Variants in PCDHA1 observed in about 807,000 individuals in gnomAD.
The protein encoded by PCDHA1 is protocadherin alpha 1.
Under a neutral mutation model 61.3 loss-of-function variants are expected in PCDHA1, and 42 were observed. The observed-to-expected ratio is 0.69, with a 90% CI of 0.54 to 0.89. The LOEUF (loss-of-function observed/expected upper bound fraction) is 0.89. PCDHA1 is among the 40% of genes least tolerant of loss of function. PCDHA1 has a pLI of 0.00. For synonymous variants in PCDHA1, 610 were observed against 553.8 expected (o/e 1.10, Z -1.43); for missense variants, 1,256 against 1,235.3 (o/e 1.02, Z -0.25).
intron 1 of PCDHA1, chr5:140,827,874 A>C: frequency 1.6e-6 from 1 of 638,432 alleles, no homozygotes; most frequent in South Asian, 2.0e-5. Flanking sequence ...TAGCACTGTT[A>C]CGTGAATTGA....
intron 1 of PCDHA1, among the ~76,000 whole-genome samples, chr5:140,826,508 T>C (rs150327644): frequency 1.1e-4 from 17 of 152,306 alleles, no homozygotes; most frequent in African/African-American, 4.1e-4. Context: ...AAGGTGAAGA[T>C]GATCATGTCA....
At chr5:140,883,080 A>T in intron 1 of PCDHA1, 1 of 1,614,140 alleles carries the variant, frequency 6.2e-7, no homozygotes, top group Non-Finnish European at 8.5e-7. Flanking sequence ...GATCCTGATG[A>T]TGGTACAAAT....
chr5:140,907,235 T>C, intron 1 of PCDHA1, among the ~76,000 whole-genome samples: 1 of 152,234 alleles, frequency 6.6e-6, no homozygotes, highest in East Asian at 1.9e-4. Context: ...TGTCACCTAG[T>C]TGACATTGTA....
At chr5:140,797,014 G>T (rs1307311865) in intron 1 of PCDHA1, 3 of 1,613,654 alleles carry the variant, frequency 1.9e-6, no homozygotes, top group Non-Finnish European at 2.5e-6. Context: ...GCGGGCGTGG[G>T]TGGGCGCCGC....
intron 1 of PCDHA1, among the ~76,000 whole-genome samples, chr5:140,935,193 G>A (rs782043966): frequency 3.3e-5 from 5 of 152,122 alleles, no homozygotes; most frequent in Non-Finnish European, 4.4e-5. Flanking sequence ...GTCAGTTGCT[G>A]TTTCTAGGTA....
intron 3 of PCDHA1, among the ~76,000 whole-genome samples, chr5:141,005,360 A>G (rs1215157808): frequency 6.6e-6 from 1 of 152,184 alleles, no homozygotes; most frequent in Non-Finnish European, 1.5e-5. Flanking sequence ...TAGGAATGTC[A>G]TAGAATGCCT....
At chr5:140,866,293 T>TAG (rs2049266972) in intron 1 of PCDHA1, 1 of 152,272 alleles carries the variant, frequency 6.6e-6, no homozygotes, top group East Asian at 1.9e-4. Context: ...GGGACAAGTA[T>TAG]AGATGTTGAT....
chr5:140,830,816 C>T (rs2150189865), intron 1 of PCDHA1: 1 of 156,806 alleles, frequency 6.4e-6, no homozygotes, highest in South Asian at 2.0e-4. Context: ...ATTTGTTTGC[C>T]TTTGAGCTTT....
At chr5:140,837,860 G>A (rs2150280331) in intron 1 of PCDHA1, among the ~76,000 whole-genome samples, 4 of 151,378 alleles carry the variant, frequency 2.6e-5, no homozygotes, top group Admixed American at 6.6e-5. Context: ...TTTTATTTTT[G>A]TAGAGACAGG....
intron 1 of PCDHA1, among the ~76,000 whole-genome samples, chr5:140,880,655 G>A (rs782616371): frequency 6.6e-6 from 1 of 152,186 alleles, no homozygotes; most frequent in African/African-American, 2.4e-5. Context: ...CCCAACTGAG[G>A]TAAAGGTGAG....
rs114370861 is a variant in PCDHA1 at position 140,845,840 on chromosome 5, G to A, written c.2394+57156G>A. 5.2e-3 allele frequency among the ~76,000 whole-genome samples: 775 copies of A among 149,794 alleles called. 45 individuals are homozygous for A. Among genetic ancestry groups the A allele is most frequent in the African/African-American group, 0.018 (745 of 40,934 alleles). On this transcript the variant is annotated intron_variant, in intron 1 of 3. Transcript: ENST00000504120. The stretch of plus-strand genomic sequence containing the variant: ...AAAATTTAGTTATTACCATTCTTAA[G>A]AGAAAAGAAGTTAGTGATTGCAGAA...
intron 1 of PCDHA1, chr5:140,802,396 C>T (rs1321170045): frequency 2.5e-6 from 4 of 1,614,262 alleles, no homozygotes; most frequent in Non-Finnish European, 3.4e-6. Context: ...CTGGTGTCCA[C>T]CTTCAAGAAT....
chr5:140,848,134 AC>A (rs1781341160), intron 1 of PCDHA1: 1 of 192,738 alleles, frequency 5.2e-6, no homozygotes, highest in South Asian at 1.3e-4. Context: ...GTCATACAAA[AC>A]TTTTAGAGGC....
At chr5:140,964,378 T>A (rs182628269) in intron 1 of PCDHA1, among the ~76,000 whole-genome samples, 1 of 151,270 alleles carries the variant, frequency 6.6e-6, no homozygotes, top group Non-Finnish European at 1.5e-5. Context: ...GAAAGGAGAG[T>A]CCTGGTTTTT....
At chr5:140,993,226 T>G (rs1554253487) in intron 3 of PCDHA1, among the ~76,000 whole-genome samples, 1 of 152,204 alleles carries the variant, frequency 6.6e-6, no homozygotes, top group Non-Finnish European at 1.5e-5. Context: ...TTTGGTATGT[T>G]CTCTCTGAAT....
intron 1 of PCDHA1, chr5:140,871,259 C>A (rs1554165338): frequency 3.1e-6 from 5 of 1,613,958 alleles, no homozygotes; most frequent in Non-Finnish European, 4.2e-6. Context: ...CTGTATACGG[C>A]GCTGTGGTGG....
chr5:140,830,787 T>C (rs1771244520), intron 1 of PCDHA1: 1 of 162,314 alleles, frequency 6.2e-6, no homozygotes, highest in Non-Finnish European at 1.3e-5. Flanking sequence ...TTTTTTCTGA[T>C]TAATTATATG....
At chr5:140,822,017 G>T (rs2150112982) in intron 1 of PCDHA1, 2 of 1,614,172 alleles carry the variant, frequency 1.2e-6, no homozygotes, top group South Asian at 1.1e-5. Context: ...CTGCAGAATG[G>T]CATTTTGTTT....
At chr5:140,807,786 T>C (rs1554124270) in intron 1 of PCDHA1, 18 of 1,614,120 alleles carry the variant, frequency 1.1e-5, no homozygotes, top group Non-Finnish European at 1.5e-5. Flanking sequence ...CGGAAATCTT[T>C]AGACAGAGAA....
Sources: gnomAD v4.1 joint callset for allele counts (sites outside exome capture counted in the v4.1 genomes callset) on GRCh38, gnomAD v4.1.1 for gene constraint, MANE v1.5 for transcripts, NCBI Gene and HGNC (gene_info 2026-07-23, HGNC 2026-07-21) for gene names.